The following DLG2 variants were observed in gnomAD, a reference collection of about 807,000 sequenced individuals.
DLG2 encodes the protein discs large MAGUK scaffold protein 2.
A neutral mutation model predicts 132.5 loss-of-function variants in DLG2; 45 were observed. The ratio of observed to expected loss-of-function variants is 0.34; its 90% CI spans 0.27 to 0.44. The LOEUF is 0.44. Ranked by LOEUF, DLG2 falls within the 20% of genes least tolerant of loss-of-function variation. The probability of loss-of-function intolerance (pLI) is 1.00; values close to 1 mark genes in which losing one functional copy is unlikely to be tolerated. For synonymous variants in DLG2, 424 were observed against 419.6 expected (o/e 1.01, Z -0.13); for missense variants, 1,045 against 1,196.9 (o/e 0.87, Z 1.87).
At chr11:84,251,152 G>T in intron 8 of DLG2, 86 bp downstream of exon 8, 1 of 796,136 alleles carries the variant, frequency 1.3e-6, no homozygotes, top group Non-Finnish European at 1.9e-6. Context: ...TAGTTTGGGT[G>T]AAACTAAATG....
chr11:85,236,670 C>T (rs912886851), intron 4 of DLG2, among the ~76,000 whole-genome samples: 4 of 151,938 alleles, frequency 2.6e-5, no homozygotes, highest in Admixed American at 6.6e-5. Context: ...ATGTTTTATG[C>T]ATGTTCTTAA....
At chr11:83,903,423 T>C (rs902293859) in intron 15 of DLG2, among the ~76,000 whole-genome samples, 13 of 152,164 alleles carry the variant, frequency 8.5e-5, no homozygotes, top group African/African-American at 3.1e-4. Flanking sequence ...ACCTTCTCTC[T>C]GGGTAGAATT....
chr11:83,884,240 T>G (rs1653234651), intron 15 of DLG2, among the ~76,000 whole-genome samples: 1 of 152,200 alleles, frequency 6.6e-6, no homozygotes, highest in Non-Finnish European at 1.5e-5. Flanking sequence ...ACTCCCACCC[T>G]AATACTGCGC....
chr11:84,795,397 C>G (rs539464478), intron 6 of DLG2, among the ~76,000 whole-genome samples: 1 of 151,830 alleles, frequency 6.6e-6, no homozygotes, highest in South Asian at 2.1e-4. Flanking sequence ...ACACTTGACA[C>G]GACACCTTGT....
chr11:84,929,737 A>G (rs1469934378), intron 6 of DLG2, among the ~76,000 whole-genome samples: 1 of 152,146 alleles, frequency 6.6e-6, no homozygotes, highest in Non-Finnish European at 1.5e-5. Context: ...TGTTAAATAC[A>G]TAAAACGAAG....
At chr11:85,087,061 A>C (rs769809702) in intron 6 of DLG2, among the ~76,000 whole-genome samples, 1 of 152,086 alleles carries the variant, frequency 6.6e-6, no homozygotes, top group African/African-American at 2.4e-5. Context: ...GCTCATTGTG[A>C]TTCATTTTTG....
intron 3 of DLG2, among the ~76,000 whole-genome samples, chr11:85,509,485 G>A (rs935652993): frequency 4.6e-5 from 7 of 152,050 alleles, no homozygotes; most frequent in Admixed American, 3.9e-4. Flanking sequence ...CAGGACGGTG[G>A]AGGGCTCTGG....
intron 2 of DLG2, among the ~76,000 whole-genome samples, chr11:85,600,340 T>C (rs948279126): frequency 6.6e-6 from 1 of 152,188 alleles, no homozygotes; most frequent in South Asian, 2.1e-4. Context: ...ATCATTTCAT[T>C]TGGCCCATAA....
intron 15 of DLG2, among the ~76,000 whole-genome samples, chr11:83,930,011 G>T (rs971116618): frequency 3.6e-4 from 55 of 152,120 alleles, no homozygotes; most frequent in African/African-American, 1.3e-3. Flanking sequence ...CTGTATGAGT[G>T]AAATGGTGTT....
chr11:84,557,325 T>C (rs932693432), intron 6 of DLG2, among the ~76,000 whole-genome samples: 4 of 152,196 alleles, frequency 2.6e-5, no homozygotes, highest in African/African-American at 9.6e-5. Context: ...TCTTGCTTAG[T>C]GCCTATTGAA....
At chr11:85,154,412 AC>A in intron 5 of DLG2, 143 bp downstream of exon 5, 1 of 476,496 alleles carries the variant, frequency 2.1e-6, no homozygotes, top group Admixed American at 4.1e-5. Flanking sequence ...AAGCCTGAGA[AC>A]CCAATATGCT....
At chr11:85,398,977 A>G (rs1337423220) in intron 3 of DLG2, among the ~76,000 whole-genome samples, 1 of 152,208 alleles carries the variant, frequency 6.6e-6, no homozygotes, top group Non-Finnish European at 1.5e-5. Flanking sequence ...TTAGGAAAAG[A>G]GGAAGTCAAA....
At chr11:84,340,473 G>C (rs756012493) in intron 7 of DLG2, among the ~76,000 whole-genome samples, 1 of 152,114 alleles carries the variant, frequency 6.6e-6, no homozygotes, top group African/African-American at 2.4e-5. Context: ...AGAGAAAAAA[G>C]ATACTACATA....
At chr11:85,474,578 CTG>C (rs967357687) in intron 3 of DLG2, among the ~76,000 whole-genome samples, 13 of 151,964 alleles carry the variant, frequency 8.6e-5, no homozygotes, top group African/African-American at 2.9e-4. Flanking sequence ...AAGAAAAAGA[CTG>C]TACTCTTTTG....
intron 6 of DLG2, among the ~76,000 whole-genome samples, chr11:84,584,674 CTTTTTTTTTTTTTTTTTTTTTTT>C (rs71036428): frequency 3.6e-5 from 2 of 55,776 alleles, no homozygotes; most frequent in African/African-American, 1.5e-4. Context: ...CCCAGCATTC[CTTTTTTTTTTTTTTTTTTTTTTT>C]TTTTTTTTTG....
chr11:84,028,884 G>T (rs1442322664), intron 11 of DLG2, among the ~76,000 whole-genome samples: 1 of 151,990 alleles, frequency 6.6e-6, no homozygotes, highest in Non-Finnish European at 1.5e-5. Context: ...TACTTTCCCA[G>T]TAGGGTGTGA....
chr11:85,089,888 C>A (rs2068499559), intron 6 of DLG2, among the ~76,000 whole-genome samples: 1 of 152,136 alleles, frequency 6.6e-6, no homozygotes, highest in South Asian at 2.1e-4. Flanking sequence ...CAACTCACAC[C>A]AGTCAGGATG....
intron 6 of DLG2, among the ~76,000 whole-genome samples, chr11:84,692,869 G>A (rs1430648485): frequency 6.6e-6 from 1 of 151,630 alleles, no homozygotes; most frequent in Non-Finnish European, 1.5e-5. Flanking sequence ...CATTTGCCAG[G>A]TACTAAGCTA....
At chr11:85,519,036 C>T (rs750620824) in intron 3 of DLG2, among the ~76,000 whole-genome samples, 2 of 152,160 alleles carry the variant, frequency 1.3e-5, no homozygotes, top group African/African-American at 4.8e-5. Context: ...TGGAAACACC[C>T]GGATACCGAG....
Sources: gnomAD v4.1 joint callset for allele counts (sites outside exome capture counted in the v4.1 genomes callset) on GRCh38, gnomAD v4.1.1 for gene constraint, MANE v1.5 for transcripts, NCBI Gene and HGNC (gene_info 2026-07-23, HGNC 2026-07-21) for gene names.